The following CNTN4 variants were observed in gnomAD, a reference collection of about 807,000 sequenced individuals.
The protein encoded by CNTN4 is contactin-4.
CNTN4 carries 77 observed loss-of-function variants against 122.5 expected under a neutral mutation model. That is an observed-to-expected ratio of 0.63 (90% confidence interval 0.52 to 0.76). CNTN4 has a LOEUF of 0.76. CNTN4 is among the 30% of genes least tolerant of loss of function. The probability of loss-of-function intolerance (pLI) is 0.00; values close to 1 mark genes in which losing one functional copy is unlikely to be tolerated. For synonymous variants in CNTN4, 512 were observed against 447.0 expected, an observed-to-expected ratio of 1.15 and a Z score of -1.83; for missense variants, 1,256 against 1,259.1, an observed-to-expected ratio of 1.00 and a Z score of 0.04.
chr3:2,938,514 T>G (rs1255265094), intron 13 of CNTN4, among the ~76,000 whole-genome samples: 12 of 152,218 alleles, frequency 7.9e-5, no homozygotes, highest in Non-Finnish European at 8.8e-5. Flanking sequence ...AATCTGGAAT[T>G]CAAATCTAGG....
intron 2 of CNTN4, among the ~76,000 whole-genome samples, chr3:2,316,822 A>G (rs983466912): frequency 2.6e-5 from 4 of 152,200 alleles, no homozygotes; most frequent in African/African-American, 9.6e-5. Context: ...TACAGTTGCC[A>G]GTTGACAGGT....
At chr3:2,201,312 TG>T (rs1257631520) in intron 2 of CNTN4, among the ~76,000 whole-genome samples, 1 of 152,138 alleles carries the variant, frequency 6.6e-6, no homozygotes, top group Non-Finnish European at 1.5e-5. Context: ...AGTTCTTAAT[TG>T]GGTACAAGAT....
At chr3:2,662,164 T>C (rs893625503) in intron 4 of CNTN4, among the ~76,000 whole-genome samples, 2 of 152,350 alleles carry the variant, frequency 1.3e-5, no homozygotes, top group East Asian at 3.9e-4. Context: ...TACAGTTTAG[T>C]AATTAGTGTC....
intron 3 of CNTN4, among the ~76,000 whole-genome samples, chr3:2,448,974 C>A (rs1382849629): frequency 6.6e-6 from 1 of 152,184 alleles, no homozygotes; most frequent in African/African-American, 2.4e-5. Flanking sequence ...AAATCTCCAA[C>A]CTAGCCCATG....
chr3:2,562,548 A>G (rs1265847533), intron 3 of CNTN4, among the ~76,000 whole-genome samples: 1 of 152,150 alleles, frequency 6.6e-6, no homozygotes, highest in African/African-American at 2.4e-5. Context: ...TCTTCCTGCA[A>G]AGAACATCAT....
chr3:2,555,763 T>G (rs2078694181), intron 3 of CNTN4, among the ~76,000 whole-genome samples: 1 of 152,126 alleles, frequency 6.6e-6, no homozygotes, highest in African/African-American at 2.4e-5. Flanking sequence ...TTAAGCAGGT[T>G]TTTACTGACT....
chr3:2,432,368 C>G (rs1268147658), intron 3 of CNTN4, among the ~76,000 whole-genome samples: 1 of 152,102 alleles, frequency 6.6e-6, no homozygotes, highest in Non-Finnish European at 1.5e-5. Context: ...TTGGAAGAAA[C>G]AGACAAAAAT....
At chr3:2,400,586 A>C (rs2046822708) in intron 3 of CNTN4, among the ~76,000 whole-genome samples, 1 of 150,000 alleles carries the variant, frequency 6.7e-6, no homozygotes, top group Non-Finnish European at 1.5e-5. Flanking sequence ...TCAGCTTCAA[A>C]AGTCTTAGTT....
chr3:2,102,107 C>T (rs1559241904), intron 2 of CNTN4, among the ~76,000 whole-genome samples: 1 of 152,140 alleles, frequency 6.6e-6, no homozygotes, highest in African/African-American at 2.4e-5. Flanking sequence ...AGTAGACATA[C>T]AGGTGAATTT....
intron 2 of CNTN4, among the ~76,000 whole-genome samples, chr3:2,171,746 C>T (rs1435144141): frequency 6.6e-6 from 1 of 152,120 alleles, no homozygotes; most frequent in Non-Finnish European, 1.5e-5. Context: ...ACATCAAAAA[C>T]CATGAAAGAC....
At chr3:3,046,457 G>C (rs1296355424) in intron 23 of CNTN4, among the ~76,000 whole-genome samples, 2 of 152,232 alleles carry the variant, frequency 1.3e-5, no homozygotes, top group Admixed American at 1.3e-4. Context: ...AGCCAGAAGA[G>C]AGTGGGGGCC....
At chr3:3,055,679 G>C (rs757262881) in intron 24 of CNTN4, among the ~76,000 whole-genome samples, 1 of 152,144 alleles carries the variant, frequency 6.6e-6, no homozygotes, top group Non-Finnish European at 1.5e-5. Flanking sequence ...TTCTCTGGGC[G>C]CAAATTACCG....
chr3:2,918,842 A>G lies in CNTN4; in HGVS notation c.1208-6787A>G, dbSNP rs551452505. ...CACAGGACTGGAAGTTCACGAAGCC[A>G]TTCATAACCCTATATGAAGGGGAGA... On this transcript the variant is annotated intron_variant, in intron 12 of 24. Transcript: ENST00000418658. 2.0e-5 allele frequency among the ~76,000 whole-genome samples: 3 copies of G among 152,356 alleles called. No individual in the cohort carries two copies. The East Asian group carries it at 5.8e-4, about 29-fold the overall frequency.
At chr3:2,763,771 TGTTGAAGGTGAGATC>T in intron 6 of CNTN4, among the ~76,000 whole-genome samples, 1 of 152,288 alleles carries the variant, frequency 6.6e-6, no homozygotes, top group Non-Finnish European at 1.5e-5. Context: ...TTGTCAGGTT[TGTTGAAGGTGAGATC>T]GTTGCAGGTG....
chr3:2,558,014 G>C (rs2078792700), intron 3 of CNTN4, among the ~76,000 whole-genome samples: 1 of 152,082 alleles, frequency 6.6e-6, no homozygotes, highest in Non-Finnish European at 1.5e-5. Context: ...TATACTGTAT[G>C]TACATATCTT....
intron 4 of CNTN4, among the ~76,000 whole-genome samples, chr3:2,713,726 T>C (rs2087297734): frequency 6.6e-6 from 1 of 152,184 alleles, no homozygotes; most frequent in African/African-American, 2.4e-5. Flanking sequence ...ATCAATAGGC[T>C]CACTTGTAAA....
At chr3:2,767,115 G>T (rs765522636) in intron 6 of CNTN4, among the ~76,000 whole-genome samples, 1 of 152,148 alleles carries the variant, frequency 6.6e-6, no homozygotes. Flanking sequence ...AAATATACCA[G>T]GCTAATAAGT....
intron 4 of CNTN4, among the ~76,000 whole-genome samples, chr3:2,699,991 C>T (rs1205636405): frequency 6.6e-6 from 1 of 152,038 alleles, no homozygotes; most frequent in Non-Finnish European, 1.5e-5. Context: ...GATGGAATGG[C>T]AAGCTGTCTA....
At chr3:2,781,679 A>C (rs2091571396) in intron 6 of CNTN4, among the ~76,000 whole-genome samples, 1 of 150,690 alleles carries the variant, frequency 6.6e-6, no homozygotes, top group Admixed American at 6.6e-5. Flanking sequence ...AAGGCAGGAC[A>C]GCTCAAAGGT....
Sources: allele counts gnomAD v4.1 joint callset (sites outside exome capture counted in the v4.1 genomes callset), GRCh38; gene constraint gnomAD v4.1.1; transcripts MANE v1.5; gene names NCBI Gene and HGNC (gene_info 2026-07-23, HGNC 2026-07-21).